Variants in PLXNA2 observed in about 807,000 individuals in gnomAD.
PLXNA2 encodes the protein plexin A2, also known as plexin-A2.
Under a neutral mutation model 193.5 loss-of-function variants are expected in PLXNA2, and 91 were observed. That is an observed-to-expected ratio of 0.47 (90% confidence interval 0.40 to 0.56). The LOEUF (loss-of-function observed/expected upper bound fraction) is 0.56, where lower values mean the gene tolerates loss of function less well. PLXNA2 is among the 20% of genes least tolerant of loss of function. The pLI is 0.00. For synonymous variants in PLXNA2, 997 were observed against 1,027.3 expected (o/e 0.97, Z 0.56); for missense variants, 1,995 against 2,503.2 (o/e 0.80, Z 4.33).
In PLXNA2 at chr1:208,038,437, T is replaced by C. The variant is rs2102311819; in HGVS notation, c.4698A>G (p.Gln1566=). ...CAATCTTGGTGGTGATGTCCTCATC[T>C]TGCAGCACGACCCGGGCGATCCGGC... ...RQGRIARVVL[Q]DEDITTKIEG... The change falls in exon 26 of 32, where the codon CAA becomes CAG. Residue 1566 remains glutamine, a synonymous_variant. Coordinates refer to ENST00000367033, the MANE Select transcript of PLXNA2 (RefSeq NM_025179.4). This position sits in a 1 kb window ranked among gnomAD's most constrained non-coding sequence, Gnocchi z 4.1. 1.2e-6 allele frequency: 2 copies of C among 1,614,178 alleles called. No individual in the cohort carries two copies. The highest frequency in any genetic ancestry group is 1.1e-5 in the South Asian group (1 of 91,082).
rs559694769 is a variant in PLXNA2 at position 208,095,900 on chromosome 1, C to A, written c.1982+129G>T. The A allele has an allele frequency of 1.5e-5, 11 of 726,350 alleles. No homozygotes were observed. In the South Asian group the frequency reaches 1.8e-4, roughly 12 times the overall value. 45.0% of individuals were successfully genotyped at this position (726,350 alleles called of 1,614,324 possible). A position where few individuals can be genotyped will look rare whatever the true frequency, so the allele number is the denominator to read the frequency against. Reference sequence around the variant, plus strand: ...AGTGTACTCTGTCCAAACAAAGTGTCAGGCCCCATGGGGAAACTGTGAGGT... The same window carrying A: ...AGTGTACTCTGTCCAAACAAAGTGTAAGGCCCCATGGGGAAACTGTGAGGT... On this transcript the variant is annotated intron_variant, in intron 8 of 31. Transcript: ENST00000367033.
At chr1:208,071,197 C>A (rs1312333223) in intron 12 of PLXNA2, among the ~76,000 whole-genome samples, 1 of 152,206 alleles carries the variant, frequency 6.6e-6, no homozygotes, top group East Asian at 1.9e-4. Context: ...CCGAAGAAGC[C>A]ACTCCAGAAT....
chr1:208,067,994 C>T (rs1665852336), intron 12 of PLXNA2, among the ~76,000 whole-genome samples: 1 of 152,122 alleles, frequency 6.6e-6, no homozygotes, highest in African/African-American at 2.4e-5. Flanking sequence ...GGAGGCCTCC[C>T]TGGACTCCCT....
intron 21 of PLXNA2, 75 bp from the exon 22 acceptor site, chr1:208,042,441 G>C: frequency 6.6e-7 from 1 of 1,517,310 alleles, no homozygotes; most frequent in African/African-American, 1.4e-5. Context: ...TCTCACTGAG[G>C]GCCTGCTGGC....
At chr1:208,042,945 A>G in intron 21 of PLXNA2, 116 bp downstream of exon 21, 1 of 1,017,648 alleles carries the variant, frequency 9.8e-7, no homozygotes. Context: ...GTTACAAACT[A>G]CTGACCCCTC....
At chr1:208,045,568 GGCTCC>G (rs1665033971) in intron 18 of PLXNA2, among the ~76,000 whole-genome samples, 3 of 152,130 alleles carry the variant, frequency 2.0e-5, no homozygotes, top group Non-Finnish European at 2.9e-5. Context: ...TGTGTGTGTG[GGCTCC>G]TGTGGCCACA....
chr1:208,048,023 G>A (rs2478823), intron 17 of PLXNA2, among the ~76,000 whole-genome samples: 23,219 of 152,044 alleles, frequency 0.15, 2,074 homozygotes, highest in East Asian at 0.3. Context: ...GAGCCAGGGG[G>A]TCCCAATTCC....
chr1:208,137,606 G>A (rs1322334518), intron 4 of PLXNA2, among the ~76,000 whole-genome samples: 1 of 152,178 alleles, frequency 6.6e-6, no homozygotes, highest in Non-Finnish European at 1.5e-5. Flanking sequence ...GAAAGAGCCA[G>A]GCATCCTCTC....
In PLXNA2 at chr1:208,101,107, C is replaced by A. The variant is rs149952902; in HGVS notation, c.1607+2040G>T. 2.9e-4 allele frequency among the ~76,000 whole-genome samples: 44 copies of A among 152,314 alleles called. 2 individuals carry two copies. In the South Asian group the frequency reaches 3.7e-3, roughly 13 times the overall value. The stretch of plus-strand genomic sequence containing the variant: ...CTCTAAAGTGAGCTCTTGACTGGAG[C>A]CTTTATCTCATTGACTCACTGAAAT... On this transcript the variant is annotated intron_variant, in intron 5 of 31. Transcript: ENST00000367033.
intron 1 of PLXNA2, among the ~76,000 whole-genome samples, chr1:208,241,617 T>G (rs1344619582): frequency 6.6e-6 from 1 of 152,218 alleles, no homozygotes; most frequent in Admixed American, 6.5e-5. Context: ...CTCCTCAGCA[T>G]CTTCCCTGCA....
At chr1:208,129,061 C>A (rs1234533746) in intron 4 of PLXNA2, among the ~76,000 whole-genome samples, 1 of 152,138 alleles carries the variant, frequency 6.6e-6, no homozygotes, top group African/African-American at 2.4e-5. Flanking sequence ...CAGAAGCAGC[C>A]CAGACAGGCA....
At chr1:208,033,212 A>C (rs1165766419) in intron 28 of PLXNA2, 107 bp downstream of exon 28, 5 of 1,090,020 alleles carry the variant, frequency 4.6e-6, no homozygotes, top group Non-Finnish European at 6.8e-6. Context: ...GGACTGTCTG[A>C]ATGGGTCCTC....
At chr1:208,164,090 C>G (rs974040268) in intron 3 of PLXNA2, among the ~76,000 whole-genome samples, 1 of 152,194 alleles carries the variant, frequency 6.6e-6, no homozygotes, top group African/African-American at 2.4e-5. Flanking sequence ...CAATAATGAA[C>G]AATTTAGCAT....
At chr1:208,199,558 G>GCT (rs1670472299) in intron 3 of PLXNA2, among the ~76,000 whole-genome samples, 1 of 152,104 alleles carries the variant, frequency 6.6e-6, no homozygotes, top group Non-Finnish European at 1.5e-5. Context: ...GGGCGTGGTG[G>GCT]CATGAGCCTG....
At chr1:208,093,387 G>A (rs1042694059) in intron 8 of PLXNA2, among the ~76,000 whole-genome samples, 2 of 152,130 alleles carry the variant, frequency 1.3e-5, no homozygotes, top group Non-Finnish European at 1.5e-5. Context: ...TTATAGACTT[G>A]CTTCTGCCAC....
At chr1:208,031,242 T>C in intron 29 of PLXNA2, 1 of 1,100,854 alleles carries the variant, frequency 9.1e-7, no homozygotes, top group Non-Finnish European at 1.1e-6. Flanking sequence ...AGGCTTCAAA[T>C]GCAGCTCTTT....
At chr1:208,084,732 C>T (rs1231275174) in intron 9 of PLXNA2, 152 bp from the exon 10 acceptor site, 26 of 669,602 alleles carry the variant, frequency 3.9e-5, no homozygotes, top group South Asian at 3.7e-4. Context: ...AAAATGGAAT[C>T]GCTCTTAGCT....
chr1:208,132,998 T>A (rs1213402683), intron 4 of PLXNA2, among the ~76,000 whole-genome samples: 1 of 152,170 alleles, frequency 6.6e-6, no homozygotes, highest in Non-Finnish European at 1.5e-5. Flanking sequence ...TAGTCAATCA[T>A]TGTCTGCTTC....
In PLXNA2 at chr1:208,044,823, AG is replaced by A; in HGVS notation, c.3640-82del. 1 of 1,183,792 alleles carries A rather than the reference AG, an allele frequency of 8.4e-7. No homozygotes were observed. Among genetic ancestry groups the A allele is most frequent in the Non-Finnish European group, 1.2e-6 (1 of 815,714 alleles). The allele number at this position is 1,183,792 out of a possible 1,614,324, so 73.3% of individuals were successfully genotyped here. A position where few individuals can be genotyped will look rare whatever the true frequency, so the allele number is the denominator to read the frequency against. On this transcript the variant is annotated intron_variant, in intron 19 of 31. Coordinates refer to ENST00000367033, the MANE Select transcript of PLXNA2 (RefSeq NM_025179.4). This position sits in a 1 kb window ranked among gnomAD's most constrained non-coding sequence, Gnocchi z 4.9. ...CATGCCAGCAGATCCTTACAGTGCG[AG>A]GAAGGACATGACAGACCACAACCAC...
Sources: gnomAD v4.1 joint callset for allele counts (sites outside exome capture counted in the v4.1 genomes callset) on GRCh38, gnomAD v4.1.1 for gene constraint, Gnocchi (gnomAD v3.1) non-coding constraint, MANE v1.5 for transcripts, NCBI Gene and HGNC (gene_info 2026-07-23, HGNC 2026-07-21) for gene names.